The following ZNF462 variants were observed in gnomAD, a reference collection of about 807,000 sequenced individuals.
The protein encoded by ZNF462 is zinc finger protein 462, also known as zinc finger PBX1-interacting protein.
A neutral mutation model predicts 201.9 loss-of-function variants in ZNF462; 10 were observed. That is an observed-to-expected ratio of 0.05 (90% CI 0.03 to 0.08). ZNF462 has a LOEUF of 0.08. Among genes scored for constraint, ZNF462 ranks in the 10% least tolerant of loss-of-function variants. The pLI is 1.00. For missense variants in ZNF462, 2,523 were observed against 3,168.3 expected, an observed-to-expected ratio of 0.80 and a Z score of 4.89; for synonymous variants, 1,227 against 1,193.3, an observed-to-expected ratio of 1.03 and a Z score of -0.58.
chr9:106,904,110 G>GT (rs1262880110), intron 1 of ZNF462, among the ~76,000 whole-genome samples: 1 of 152,088 alleles, frequency 6.6e-6, no homozygotes, highest in African/African-American at 2.4e-5. Flanking sequence ...AGCAGTTCTC[G>GT]TAGTGGTGGT....
rs2130923982 is a variant in ZNF462 at position 106,880,087 on chromosome 9, C to G, written c.-31+16732C>G. Among the ~76,000 whole-genome samples, 1 of 152,264 alleles carries G rather than the reference C, an allele frequency of 6.6e-6. No homozygotes were observed. Among genetic ancestry groups the G allele is most frequent in the Middle Eastern group, 3.4e-3 (1 of 294 alleles). ...ATTCAAGGCATGGAGTATTCCAGAG[C>G]TTTCCTAGGAATGGGACAAACAGAG... On this transcript the variant is annotated intron_variant, in intron 1 of 12. Coordinates refer to ENST00000277225, the MANE Select transcript of ZNF462 (RefSeq NM_021224.6). The surrounding 1 kb of genome is among the most constrained non-coding windows in gnomAD (Gnocchi z 4.1).
chr9:106,936,598 T>C (rs912514418), intron 6 of ZNF462, among the ~76,000 whole-genome samples: 2 of 152,220 alleles, frequency 1.3e-5, no homozygotes, highest in Non-Finnish European at 2.9e-5. Flanking sequence ...TTTCTCTATC[T>C]TTTTGTATTT....
intron 7 of ZNF462, among the ~76,000 whole-genome samples, chr9:106,949,127 T>C (rs541067830): frequency 3.3e-5 from 5 of 152,168 alleles, no homozygotes; most frequent in Non-Finnish European, 5.9e-5. Flanking sequence ...TGTGAAAGGA[T>C]AAATACAAAA....
chr9:107,002,714 G>C (rs528540551), intron 10 of ZNF462, among the ~76,000 whole-genome samples: 2 of 152,286 alleles, frequency 1.3e-5, no homozygotes, highest in African/African-American at 4.8e-5. Context: ...GCTGTGGTCA[G>C]CTTCAAAAAC....
At chr9:106,904,970 T>A (rs935159985) in intron 1 of ZNF462, among the ~76,000 whole-genome samples, 1 of 152,124 alleles carries the variant, frequency 6.6e-6, no homozygotes, top group African/African-American at 2.4e-5. Flanking sequence ...CTAGTGTGAT[T>A]TTTTTGTGGG....
intron 1 of ZNF462, among the ~76,000 whole-genome samples, chr9:106,879,139 C>G (rs961822359): frequency 1.3e-5 from 2 of 152,122 alleles, no homozygotes; most frequent in Non-Finnish European, 2.9e-5. Context: ...TGAAATGGTG[C>G]TTTCAGGTCT....
intron 6 of ZNF462, among the ~76,000 whole-genome samples, chr9:106,937,278 C>A (rs998779838): frequency 6.6e-6 from 1 of 152,164 alleles, no homozygotes; most frequent in Non-Finnish European, 1.5e-5. Flanking sequence ...TATATATATT[C>A]ATCCGTGGTG....
Position 106,927,173 on chromosome 9 carries a change from T to C in ZNF462, c.3261T>C (p.Ala1087=), listed in dbSNP as rs1400590531. The change falls in exon 3 of 13, where the codon GCT becomes GCC. Residue 1087 remains alanine, a synonymous_variant. Transcript: ENST00000277225. ...CTCAATTATCATTTGAGGTGGGTGC[T>C]CCAATGTCTCCCAAAATGTCCAACA... ...ALSQLSFEVG[A]PMSPKMSNMG... 1.2e-6 allele frequency: 2 copies of C among 1,613,710 alleles called. No individual in the cohort carries two copies. Among genetic ancestry groups the C allele is most frequent in the Non-Finnish European group, 1.7e-6 (2 of 1,179,962 alleles).
In ZNF462 at chr9:106,864,074, CT is replaced by C. The variant is rs1564062470; in HGVS notation, c.-31+720del. On this transcript the variant is annotated intron_variant, in intron 1 of 12. Coordinates refer to ENST00000277225, the MANE Select transcript of ZNF462 (RefSeq NM_021224.6). ...TCTCTCTCTCTCTCTCTCTCTCTCT[CT>C]CTCTCTCTCTCTCTCTCTCTCTCTC... is the stretch of plus-strand genomic sequence containing the variant. Among the ~76,000 whole-genome samples the C allele has an allele frequency of 1.1e-3, 148 of 132,594 alleles. 4 individuals are homozygous for C. Among genetic ancestry groups the C allele is most frequent in the Admixed American group, 2.4e-3 (31 of 13,040 alleles). The allele number at this position is 132,594 out of a possible 152,430, so 87.0% of individuals were successfully genotyped here.
intron 10 of ZNF462, among the ~76,000 whole-genome samples, chr9:106,991,838 C>CCACACACA (rs774752725): frequency 3.5e-4 from 45 of 128,226 alleles, no homozygotes; most frequent in African/African-American, 8.8e-4. Context: ...ACAGCACTCT[C>CCACACACA]TACACACACA....
chr9:106,942,499 T>C (rs1000978746), intron 7 of ZNF462, among the ~76,000 whole-genome samples: 2 of 152,178 alleles, frequency 1.3e-5, no homozygotes, highest in Non-Finnish European at 2.9e-5. Context: ...AACGGCTCTA[T>C]GGTATTGGTT....
intron 7 of ZNF462, among the ~76,000 whole-genome samples, chr9:106,967,509 A>G (rs1306124221): frequency 6.6e-6 from 1 of 152,078 alleles, no homozygotes; most frequent in Non-Finnish European, 1.5e-5. Context: ...GAATTAGCAA[A>G]AAAAAAAGTC....
In ZNF462 at chr9:106,876,086, AT is replaced by A. The variant is rs1827820068; in HGVS notation, c.-31+12732del. Among the ~76,000 whole-genome samples the A allele has an allele frequency of 6.6e-6, 1 of 152,094 alleles. No individual in the cohort carries two copies. Among genetic ancestry groups the A allele is most frequent in the African/African-American group, 2.4e-5 (1 of 41,400 alleles). ...TGCAGGGGTCTCTGTTAAGAAAGTGATGTGTAGTAGGTGGAATATACTCTTT... is the reference window on the plus strand; with the variant it reads ...TGCAGGGGTCTCTGTTAAGAAAGTGAGTGTAGTAGGTGGAATATACTCTTT... On this transcript the variant is annotated intron_variant, in intron 1 of 12. Coordinates refer to ENST00000277225, the MANE Select transcript of ZNF462 (RefSeq NM_021224.6). The surrounding 1 kb of genome is among the most constrained non-coding windows in gnomAD (Gnocchi z 4.9).
chr9:106,926,342 C>T lies in ZNF462; in HGVS notation c.2430C>T (p.His810=). 6.2e-7 allele frequency: 1 copy of T among 1,614,126 alleles called. No homozygotes were observed. The highest frequency in any genetic ancestry group is 8.5e-7 in the Non-Finnish European group (1 of 1,180,012). The change falls in exon 3 of 13, where the codon CAC becomes CAT. Residue 810 remains histidine (H), a synonymous_variant. Coordinates refer to ENST00000277225, the MANE Select transcript of ZNF462 (RefSeq NM_021224.6). The surrounding 1 kb of genome is among the most constrained non-coding windows in gnomAD (Gnocchi z 7.9). The part of the protein sequence containing the change: ...YYGSSTNLKD[H]QVSNTALLNT... The stretch of plus-strand genomic sequence containing the variant: ...GCTCCTCAACAAACTTGAAAGATCA[C>T]CAAGTTTCCAATACTGCTCTGCTGA...
At chr9:106,869,245 A>G (rs749552793) in intron 1 of ZNF462, among the ~76,000 whole-genome samples, 4 of 152,170 alleles carry the variant, frequency 2.6e-5, no homozygotes, top group Non-Finnish European at 5.9e-5. Context: ...AGTCTGAAAC[A>G]ATTACTGGTG....
rs760277798 is a variant in ZNF462, at chr9:106,930,989, C to T, written c.6012+300C>T. ...CGTCCTTCTATTCTGCGTTTAGTGC[C>T]ATTAGCTCTTCGTTCTTCCAAGTTG... On this transcript the variant is annotated intron_variant, in intron 4 of 12. Transcript: ENST00000277225. The surrounding 1 kb of genome is among the most constrained non-coding windows in gnomAD (Gnocchi z 5.8). The T allele has an allele frequency of 7.6e-6, 2 of 261,946 alleles. No homozygotes were observed. The highest frequency in any genetic ancestry group is 7.6e-6 in the Non-Finnish European group (1 of 132,198). The allele number at this position is 261,946 out of a possible 1,614,324, so 16.2% of individuals were successfully genotyped here. A position where few individuals can be genotyped will look rare whatever the true frequency, so the allele number is the denominator to read the frequency against.
rs932768771 is a variant in ZNF462 at position 106,950,835 on chromosome 9, A to G, written c.6427+11728A>G. 6.6e-6 allele frequency among the ~76,000 whole-genome samples: 1 copy of G among 152,214 alleles called. No individual in the cohort carries two copies. The highest frequency in any genetic ancestry group is 2.4e-5 in the African/African-American group (1 of 41,468). On this transcript the variant is annotated intron_variant, in intron 7 of 12. Transcript: ENST00000277225. This position sits in a 1 kb window ranked among gnomAD's most constrained non-coding sequence, Gnocchi z 4.1. The stretch of plus-strand genomic sequence containing the variant: ...CCAGGCGTGGTGGCTCGCACCTGTA[A>G]TCTCAGCACTTTGGGAGGCCAAGGC...
chr9:106,925,169 A>T lies in ZNF462; in HGVS notation c.1257A>T (p.Ser419=). Reference sequence around the variant, plus strand: ...TGTCTGCAGAGCAGCTGATGGGCTCAGATGGCAACAAATTATTGGAGACCA... The same window carrying T: ...TGTCTGCAGAGCAGCTGATGGGCTCTGATGGCAACAAATTATTGGAGACCA... ...SGLSAEQLMG[S]DGNKLLETKG... is the part of the protein sequence containing the mutation. Residue 419 remains serine, a synonymous_variant, in exon 3 of 13, where the codon TCA becomes TCT. Coordinates refer to ENST00000277225, the MANE Select transcript of ZNF462 (RefSeq NM_021224.6). The surrounding 1 kb of genome is among the most constrained non-coding windows in gnomAD (Gnocchi z 7.9). The T allele has an allele frequency of 6.2e-7, 1 of 1,614,250 alleles. No homozygotes were observed. Among genetic ancestry groups the T allele is most frequent in the East Asian group, 2.2e-5 (1 of 44,884 alleles).
intron 1 of ZNF462, among the ~76,000 whole-genome samples, chr9:106,898,426 AG>A (rs764883704): frequency 1.3e-5 from 2 of 151,962 alleles, no homozygotes; most frequent in African/African-American, 4.8e-5. Flanking sequence ...CTGGAGGTGG[AG>A]GGGGGGTCAT....
Sources: gnomAD v4.1 joint callset for allele counts (sites outside exome capture counted in the v4.1 genomes callset) on GRCh38, gnomAD v4.1.1 for gene constraint, Gnocchi (gnomAD v3.1) non-coding constraint, MANE v1.5 for transcripts, NCBI Gene and HGNC (gene_info 2026-07-23, HGNC 2026-07-21) for gene names.